FNBP1L: variants seen among roughly 807,000 people sequenced by gnomAD.
FNBP1L encodes the protein formin-binding protein 1-like.
A neutral mutation model predicts 91.2 loss-of-function variants in FNBP1L; 36 were observed. That is an observed-to-expected ratio of 0.39 (90% CI 0.30 to 0.52). FNBP1L has a LOEUF of 0.52. FNBP1L is among the 20% of genes least tolerant of loss of function. FNBP1L has a pLI of 0.66. For synonymous variants in FNBP1L, 242 were observed against 237.0 expected (o/e 1.02, Z -0.19); for missense variants, 571 against 732.1 (o/e 0.78, Z 2.54).
intron 2 of FNBP1L, among the ~76,000 whole-genome samples, chr1:93,509,803 C>T (rs558979326): frequency 2.9e-4 from 44 of 152,348 alleles, no homozygotes; most frequent in Non-Finnish European, 5.3e-4. Flanking sequence ...ACTCGGGAAG[C>T]GCAAGGGGTC....
chr1:93,552,184 G>C lies in FNBP1L; in HGVS notation c.1811-225G>C, dbSNP rs997105751. 6 of 1,334,724 alleles carry C rather than the reference G, an allele frequency of 4.5e-6. No individual in the cohort carries two copies. The African/African-American group carries it at 9.0e-5, about 20-fold the overall frequency. The allele number at this position is 1,334,724 out of a possible 1,614,324, so 82.7% of individuals were successfully genotyped here. ...GTGCAGTCAAGGATTGTGCAGTGCT[G>C]GTTGTGTGACCACACCCTGAGTCAG... On this transcript the variant is annotated intron_variant, in intron 16 of 16. Coordinates refer to ENST00000271234, the MANE Select transcript of FNBP1L (RefSeq NM_001164473.3).
At chr1:93,540,227 G>C (rs1228668836) in intron 10 of FNBP1L, among the ~76,000 whole-genome samples, 1 of 152,034 alleles carries the variant, frequency 6.6e-6, no homozygotes, top group Non-Finnish European at 1.5e-5. Context: ...AAGTATTGTT[G>C]TACAAGAGCA....
At chr1:93,462,284 T>G (rs144541404) in intron 1 of FNBP1L, among the ~76,000 whole-genome samples, 111 of 152,318 alleles carry the variant, frequency 7.3e-4, no homozygotes, top group African/African-American at 2.5e-3. Context: ...TTACTTTTTT[T>G]TTAAATTGAT....
At chr1:93,489,362 T>A (rs1321224948) in intron 1 of FNBP1L, among the ~76,000 whole-genome samples, 1 of 152,054 alleles carries the variant, frequency 6.6e-6, no homozygotes, top group Non-Finnish European at 1.5e-5. Context: ...TTGTTGGACT[T>A]GGGGTATTTC....
intron 1 of FNBP1L, among the ~76,000 whole-genome samples, chr1:93,455,097 T>G (rs1383915809): frequency 6.6e-6 from 1 of 151,950 alleles, no homozygotes; most frequent in Non-Finnish European, 1.5e-5. Context: ...CCTGGCTAAT[T>G]TTTTGTATTT....
intron 3 of FNBP1L, among the ~76,000 whole-genome samples, chr1:93,522,847 C>T (rs1012176305): frequency 3.3e-5 from 5 of 152,108 alleles, no homozygotes; most frequent in Non-Finnish European, 7.4e-5. Flanking sequence ...ACCCTTTACC[C>T]GCTTTGGTGT....
At chr1:93,448,546 C>T (rs1376776861) in intron 1 of FNBP1L, among the ~76,000 whole-genome samples, 1 of 152,134 alleles carries the variant, frequency 6.6e-6, no homozygotes, top group African/African-American at 2.4e-5. Context: ...GGGCGGCGCC[C>T]GGGACGGCCG....
intron 2 of FNBP1L, among the ~76,000 whole-genome samples, chr1:93,521,112 GGTA>G (rs1170855460): frequency 3.3e-5 from 5 of 152,064 alleles, no homozygotes; most frequent in African/African-American, 1.2e-4. Flanking sequence ...TTCAAACAAA[GGTA>G]GTCCATTCTG....
chr1:93,552,418 G>A lies in FNBP1L; in HGVS notation c.*2G>A, dbSNP rs769466892. 6.2e-7 allele frequency: 1 copy of A among 1,612,618 alleles called. No individual in the cohort carries two copies. Among genetic ancestry groups the A allele is most frequent in the Non-Finnish European group, 8.5e-7 (1 of 1,179,308 alleles). On this transcript the variant is annotated 3_prime_UTR_variant, in exon 17 of 17. Coordinates refer to ENST00000271234, the MANE Select transcript of FNBP1L (RefSeq NM_001164473.3). ...TCCTCCTGGACTGCAGGTTCCTGAAGAGGGTTTCTGAGGAAATGGGCAAGA... is the reference window on the plus strand; with the variant it reads ...TCCTCCTGGACTGCAGGTTCCTGAAAAGGGTTTCTGAGGAAATGGGCAAGA...
intron 2 of FNBP1L, among the ~76,000 whole-genome samples, chr1:93,503,712 G>C (rs1024412143): frequency 3.3e-5 from 5 of 152,164 alleles, no homozygotes; most frequent in African/African-American, 1.2e-4. Context: ...GGTTACTTCA[G>C]ATCACTTGGT....
chr1:93,523,498 C>G lies in FNBP1L; in HGVS notation c.342+7C>G. 1 of 1,595,210 alleles carries G rather than the reference C, an allele frequency of 6.3e-7. No homozygotes were observed. The highest frequency in any genetic ancestry group is 8.5e-7 in the Non-Finnish European group (1 of 1,170,478). ...GAAAACTGAAAGAAAAATGGTAATT[C>G]TTACAATTTTCATCCAATTGCAATA... On this transcript the variant is annotated splice_region_variant and intron_variant, in intron 4 of 16. Transcript: ENST00000271234.
intron 1 of FNBP1L, among the ~76,000 whole-genome samples, chr1:93,478,322 A>G (rs1466454182): frequency 6.6e-6 from 1 of 152,174 alleles, no homozygotes; most frequent in African/African-American, 2.4e-5. Context: ...GAGAGAGAGG[A>G]CAGCCTCCAT....
chr1:93,469,720 C>CAGG (rs1669218029), intron 1 of FNBP1L, among the ~76,000 whole-genome samples: 1 of 152,088 alleles, frequency 6.6e-6, no homozygotes, highest in Non-Finnish European at 1.5e-5. Flanking sequence ...AATTGCCAGG[C>CAGG]AGGAACTCAG....
At chr1:93,524,138 GA>G (rs1416908329) in intron 4 of FNBP1L, 122 bp from the exon 5 acceptor site, 2 of 710,434 alleles carry the variant, frequency 2.8e-6, no homozygotes, top group Admixed American at 4.1e-5. Context: ...TTAGTACCTT[GA>G]AAAAAATAAA....
intron 16 of FNBP1L, 188 bp from the exon 17 acceptor site, chr1:93,552,221 A>G: frequency 2.2e-6 from 3 of 1,377,730 alleles, no homozygotes; most frequent in South Asian, 1.9e-5. Flanking sequence ...GGTGTGGGGA[A>G]GTAAAGTGTG....
At chr1:93,498,778 T>C (rs1039998682) in intron 1 of FNBP1L, among the ~76,000 whole-genome samples, 1 of 152,224 alleles carries the variant, frequency 6.6e-6, no homozygotes, top group African/African-American at 2.4e-5. Flanking sequence ...TTATATGTCA[T>C]TATCATGTTT....
At chr1:93,536,613 A>C in intron 10 of FNBP1L, 123 bp downstream of exon 10, 1 of 845,972 alleles carries the variant, frequency 1.2e-6, no homozygotes, top group South Asian at 3.8e-5. Context: ...ACACCACAGA[A>C]TTAAGAATAG....
chr1:93,524,114 G>T, intron 4 of FNBP1L, 147 bp from the exon 5 acceptor site: 3 of 523,272 alleles, frequency 5.7e-6, no homozygotes, highest in South Asian at 5.9e-5. Context: ...CTAAGTCTTG[G>T]TAAAGTTATA....
At chr1:93,544,275 C>A in intron 12 of FNBP1L, 59 bp downstream of exon 12, 2 of 1,179,158 alleles carry the variant, frequency 1.7e-6, no homozygotes, top group Admixed American at 2.1e-5. Context: ...TTGAGTGACG[C>A]CCTTAAATGT....
Sources: allele counts gnomAD v4.1 joint callset (sites outside exome capture counted in the v4.1 genomes callset), GRCh38; gene constraint gnomAD v4.1.1; transcripts MANE v1.5; gene names NCBI Gene and HGNC (gene_info 2026-07-23, HGNC 2026-07-21).